The following IMMT variants were observed in gnomAD, a reference collection of about 807,000 sequenced individuals.
IMMT encodes the protein inner membrane mitochondrial protein, also known as MICOS complex subunit MIC60.
IMMT carries 40 observed loss-of-function variants against 92.7 expected under a neutral mutation model. That is an observed-to-expected ratio of 0.43 (90% CI 0.34 to 0.56). The LOEUF is 0.56. Among genes scored for constraint, IMMT ranks in the 20% least tolerant of loss-of-function variants. IMMT has a pLI of 0.03. For missense variants in IMMT, 831 were observed against 912.1 expected (o/e 0.91, Z 1.14); for synonymous variants, 322 against 336.1 (o/e 0.96, Z 0.46).
intron 1 of IMMT, among the ~76,000 whole-genome samples, chr2:86,182,156 G>C (rs1672477476): frequency 6.6e-6 from 1 of 151,874 alleles, no homozygotes; most frequent in South Asian, 2.1e-4. Flanking sequence ...AATACTATTG[G>C]GGAAGGTTTT....
Position 86,174,099 on chromosome 2 carries a change from A to G in IMMT, c.310-338T>C, listed in dbSNP as rs1677274645. Among the ~76,000 whole-genome samples the G allele has an allele frequency of 2.0e-5, 3 of 152,334 alleles. No homozygotes were observed. In the South Asian group the frequency reaches 6.2e-4, roughly 32 times the overall value. ...GAAGACTATTATCATTTCCTTTCTA[A>G]ATCAAACTATGATGTCTTCTGTATA... On this transcript the variant is annotated intron_variant, in intron 3 of 14. Coordinates refer to ENST00000410111, the MANE Select transcript of IMMT (RefSeq NM_006839.3).
chr2:86,187,160 T>C (rs10188059), intron 1 of IMMT, among the ~76,000 whole-genome samples: 69,900 of 152,022 alleles, frequency 0.46, 16,622 homozygotes, highest in Non-Finnish European at 0.51. Flanking sequence ...TCTTAGAACA[T>C]TTTCATCACC....
At chr2:86,182,425 A>C (rs1558837992) in intron 1 of IMMT, among the ~76,000 whole-genome samples, 1 of 152,228 alleles carries the variant, frequency 6.6e-6, no homozygotes, top group Non-Finnish European at 1.5e-5. Flanking sequence ...TTTACACTCT[A>C]CTGGCCAAAG....
At chr2:86,147,579 G>A (rs990686803) in intron 13 of IMMT, 123 bp downstream of exon 13, 2 of 895,626 alleles carry the variant, frequency 2.2e-6, no homozygotes, top group East Asian at 5.4e-5. Flanking sequence ...AAAAGAAGCA[G>A]TTTTGTAGAC....
intron 13 of IMMT, among the ~76,000 whole-genome samples, chr2:86,146,902 A>G (rs1296549338): frequency 6.6e-6 from 1 of 152,200 alleles, no homozygotes; most frequent in African/African-American, 2.4e-5. Flanking sequence ...CTGGGATTAC[A>G]TGCATGCACC....
intron 5 of IMMT, 119 bp downstream of exon 5, chr2:86,171,089 A>C (rs1677050825): frequency 1.1e-6 from 1 of 936,214 alleles, no homozygotes. Flanking sequence ...TTTCCTAAGA[A>C]ACTCTGAAGA....
chr2:86,147,320 A>G (rs1243750319), intron 13 of IMMT, among the ~76,000 whole-genome samples: 2 of 152,222 alleles, frequency 1.3e-5, no homozygotes, highest in Non-Finnish European at 2.9e-5. Flanking sequence ...TCTTGAATAG[A>G]AACTATGATT....
intron 6 of IMMT, among the ~76,000 whole-genome samples, chr2:86,168,297 T>C (rs1676856223): frequency 6.6e-6 from 1 of 152,190 alleles, no homozygotes; most frequent in East Asian, 1.9e-4. Flanking sequence ...TAAATGGTCA[T>C]TTGAAGAAAG....
intron 1 of IMMT, among the ~76,000 whole-genome samples, chr2:86,188,027 C>A (rs1672891386): frequency 6.6e-6 from 1 of 151,976 alleles, no homozygotes; most frequent in Non-Finnish European, 1.5e-5. Context: ...TATACCCTCA[C>A]CAACATTTGT....
At chr2:86,187,005 T>C (rs1206042462) in intron 1 of IMMT, among the ~76,000 whole-genome samples, 2 of 152,150 alleles carry the variant, frequency 1.3e-5, no homozygotes, top group Non-Finnish European at 2.9e-5. Context: ...CATCTGCAAA[T>C]ACCTGGTGGC....
chr2:86,166,667 TA>T, intron 6 of IMMT, 23 bp from the exon 7 acceptor site: 7 of 1,570,678 alleles, frequency 4.5e-6, no homozygotes, highest in Non-Finnish European at 6.0e-6. Context: ...AAAGAACAGT[TA>T]AAAAACAAAT....
In IMMT at chr2:86,144,612, C is replaced by G. The variant is rs746623096; in HGVS notation, c.1933G>C (p.Val645Leu). ...FYAVQKLARR[V>L]AMIDETRNSL... ...TTTCTGGTTTCATCAATCATTGCTACCCTTCGGGCCAGTTTTTGAACAGCA... is the reference window on the plus strand; with the variant it reads ...TTTCTGGTTTCATCAATCATTGCTAGCCTTCGGGCCAGTTTTTGAACAGCA... Residue 645 changes from valine (V) to leucine (L), a missense_variant, in exon 15 of 15, where the codon GTA (valine) becomes CTA (leucine). Physicochemically the swap from Val to Leu is conservative, Grantham distance 32 (BLOSUM62 1). Coordinates refer to ENST00000410111, the MANE Select transcript of IMMT (RefSeq NM_006839.3). 2.5e-6 allele frequency: 4 copies of G among 1,613,856 alleles called. No homozygotes were observed. Among genetic ancestry groups the G allele is most frequent in the Non-Finnish European group, 3.4e-6 (4 of 1,179,914 alleles).
At chr2:86,167,983 G>A (rs552388895) in intron 6 of IMMT, among the ~76,000 whole-genome samples, 1 of 152,260 alleles carries the variant, frequency 6.6e-6, no homozygotes, top group Non-Finnish European at 1.5e-5. Flanking sequence ...CAGGGAAAAA[G>A]AGGTGCCCAT....
chr2:86,190,920 C>T (rs536038605), intron 1 of IMMT, among the ~76,000 whole-genome samples: 2 of 152,202 alleles, frequency 1.3e-5, no homozygotes, highest in South Asian at 2.1e-4. Context: ...ACCCAGGAGG[C>T]GGAGGTTGCA....
chr2:86,188,425 A>C (rs544249752), intron 1 of IMMT, among the ~76,000 whole-genome samples: 1 of 152,068 alleles, frequency 6.6e-6, no homozygotes, highest in African/African-American at 2.4e-5. Context: ...ACACAAATAC[A>C]TATATGTATA....
chr2:86,158,575 A>T lies in IMMT; in HGVS notation c.1162+17T>A, dbSNP rs2104863602. On this transcript the variant is annotated intron_variant, in intron 10 of 14. Transcript: ENST00000410111. ...GTTAAAACATCAAAAAAAAAACATTACTTCAGTTGTACTCACTCATTCCTT... is the reference window on the plus strand; with the variant it reads ...GTTAAAACATCAAAAAAAAAACATTTCTTCAGTTGTACTCACTCATTCCTT... 6.4e-7 allele frequency: 1 copy of T among 1,567,814 alleles called. No individual in the cohort carries two copies. The highest frequency in any genetic ancestry group is 8.7e-7 in the Non-Finnish European group (1 of 1,152,032).
intron 1 of IMMT, among the ~76,000 whole-genome samples, chr2:86,190,847 G>A (rs570146926): frequency 1.3e-5 from 2 of 152,242 alleles, no homozygotes; most frequent in Non-Finnish European, 2.9e-5. Flanking sequence ...ATATTAGCTG[G>A]GCACAGTGGC....
In IMMT at chr2:86,144,761, G is replaced by A. The variant is rs763650033; in HGVS notation, c.1784C>T (p.Ala595Val). The change falls in exon 15 of 15, where the codon GCA becomes GTA. Residue 595 changes from alanine to valine, a missense_variant. Physicochemically the swap from Ala to Val is moderately conservative, Grantham distance 64. Coordinates refer to ENST00000410111, the MANE Select transcript of IMMT (RefSeq NM_006839.3). ...ACAGTTGGCTTTGATGGCCTCAACT[G>A]CACTACCCAGCGGGATAGTAGGTGT... ...AETPTIPLGS[A>V]VEAIKANCSD... 6.2e-7 allele frequency: 1 copy of A among 1,613,564 alleles called. No individual in the cohort carries two copies. The highest frequency in any genetic ancestry group is 8.5e-7 in the Non-Finnish European group (1 of 1,179,868).
At chr2:86,163,212 T>C (rs762755933) in intron 7 of IMMT, among the ~76,000 whole-genome samples, 1 of 152,040 alleles carries the variant, frequency 6.6e-6, no homozygotes, top group Non-Finnish European at 1.5e-5. Flanking sequence ...CCCAGCTACT[T>C]GAGGGGCTGA....
Sources: gnomAD v4.1 joint callset for allele counts (sites outside exome capture counted in the v4.1 genomes callset) on GRCh38, gnomAD v4.1.1 for gene constraint, MANE v1.5 for transcripts, NCBI Gene and HGNC (gene_info 2026-07-23, HGNC 2026-07-21) for gene names.